Variants in PRKD1 observed in about 807,000 individuals in gnomAD.
PRKD1 encodes the protein serine/threonine-protein kinase D1.
PRKD1 carries 63 observed loss-of-function variants against 95.9 expected under a neutral mutation model. The ratio of observed to expected loss-of-function variants is 0.66; its 90% CI spans 0.54 to 0.81. The LOEUF is 0.81. PRKD1 is among the 30% of genes least tolerant of loss of function. The probability of loss-of-function intolerance (pLI) is 0.00; values close to 1 mark genes in which losing one functional copy is unlikely to be tolerated. For synonymous variants in PRKD1, 425 were observed against 423.1 expected, an observed-to-expected ratio of 1.00 and a Z score of -0.05; for missense variants, 1,048 against 1,165.3, an observed-to-expected ratio of 0.90 and a Z score of 1.47.
At chr14:29,843,638 G>A (rs911576514) in intron 1 of PRKD1, among the ~76,000 whole-genome samples, 4 of 152,158 alleles carry the variant, frequency 2.6e-5, no homozygotes, top group African/African-American at 9.7e-5. Context: ...CATTTATTGA[G>A]CATCTATACT....
chr14:29,853,750 T>C (rs1265386674), intron 1 of PRKD1, among the ~76,000 whole-genome samples: 1 of 152,234 alleles, frequency 6.6e-6, no homozygotes, highest in Non-Finnish European at 1.5e-5. Flanking sequence ...GCTCCCATAA[T>C]TCCCATGTGT....
chr14:29,897,640 A>T (rs1894179871), intron 1 of PRKD1, among the ~76,000 whole-genome samples: 1 of 152,276 alleles, frequency 6.6e-6, no homozygotes, highest in East Asian at 1.9e-4. Flanking sequence ...AAAGGATAAT[A>T]AAAGATAAAA....
At chr14:29,609,395 ATTC>A (rs1382024405) in intron 13 of PRKD1, among the ~76,000 whole-genome samples, 1 of 151,810 alleles carries the variant, frequency 6.6e-6, no homozygotes, top group African/African-American at 2.4e-5. Flanking sequence ...AGTCTTGTGC[ATTC>A]TATTAAGTAA....
At chr14:29,868,870 C>A (rs142174378) in intron 1 of PRKD1, among the ~76,000 whole-genome samples, 1 of 152,022 alleles carries the variant, frequency 6.6e-6, no homozygotes, top group African/African-American at 2.4e-5. Context: ...CCAATCGATA[C>A]GGACACAAGT....
At chr14:29,696,142 C>CA (rs1329525385) in intron 2 of PRKD1, among the ~76,000 whole-genome samples, 8 of 152,026 alleles carry the variant, frequency 5.3e-5, no homozygotes, top group Admixed American at 5.2e-4. Context: ...TCGGGATAGT[C>CA]TAGTAAGTTA....
intron 1 of PRKD1, among the ~76,000 whole-genome samples, chr14:29,910,425 G>T (rs1894665733): frequency 1.3e-5 from 2 of 151,996 alleles, no homozygotes; most frequent in Admixed American, 1.3e-4. Context: ...TCAACGCGAG[G>T]GTCCGTGGCT....
At chr14:29,839,523 G>T (rs966917463) in intron 1 of PRKD1, among the ~76,000 whole-genome samples, 5 of 152,138 alleles carry the variant, frequency 3.3e-5, no homozygotes, top group Non-Finnish European at 7.3e-5. Context: ...CCATTTGGGG[G>T]TCTGGAGGAC....
chr14:29,663,636 G>C (rs1882313306), intron 4 of PRKD1, 63 bp downstream of exon 4: 1 of 1,559,540 alleles, frequency 6.4e-7, no homozygotes, highest in African/African-American at 1.4e-5. Context: ...GATTGACATT[G>C]CTATCACATC....
At chr14:29,601,302 C>T (rs1310601026) in intron 13 of PRKD1, among the ~76,000 whole-genome samples, 1 of 152,132 alleles carries the variant, frequency 6.6e-6, no homozygotes, top group African/African-American at 2.4e-5. Flanking sequence ...TTAGAGAGTC[C>T]TTTTTCTACT....
At chr14:29,778,172 C>A (rs537276192) in intron 1 of PRKD1, among the ~76,000 whole-genome samples, 4 of 152,308 alleles carry the variant, frequency 2.6e-5, no homozygotes, top group South Asian at 2.1e-4. Flanking sequence ...TAAATGCCCA[C>A]AACAGAAAGC....
intron 2 of PRKD1, among the ~76,000 whole-genome samples, chr14:29,688,909 A>C (rs1884044303): frequency 1.4e-5 from 2 of 142,504 alleles, no homozygotes; most frequent in Admixed American, 1.5e-4. Context: ...AGACCACGCC[A>C]CTGCACTCCA....
intron 2 of PRKD1, among the ~76,000 whole-genome samples, chr14:29,666,697 A>G (rs45482195): frequency 0.024 from 3,645 of 152,194 alleles, 134 homozygotes; most frequent in African/African-American, 0.078. Context: ...GATATAAAAT[A>G]TGAGTGGCTT....
chr14:29,706,769 T>TA (rs1885112211), intron 2 of PRKD1, among the ~76,000 whole-genome samples: 1 of 152,120 alleles, frequency 6.6e-6, no homozygotes, highest in South Asian at 2.1e-4. Context: ...TCTTCTACTT[T>TA]AAAACCAGCA....
intron 1 of PRKD1, among the ~76,000 whole-genome samples, chr14:29,742,679 G>A (rs1887032232): frequency 6.6e-6 from 1 of 152,172 alleles, no homozygotes; most frequent in African/African-American, 2.4e-5. Flanking sequence ...CGTAAAAAAT[G>A]AGTATCAAGG....
At chr14:29,714,541 A>G (rs1885502018) in intron 2 of PRKD1, among the ~76,000 whole-genome samples, 1 of 152,184 alleles carries the variant, frequency 6.6e-6, no homozygotes. Flanking sequence ...ATTGTGGAAG[A>G]CAGTGTGGTG....
chr14:29,646,128 G>A (rs556536113), intron 4 of PRKD1, among the ~76,000 whole-genome samples: 12 of 152,224 alleles, frequency 7.9e-5, no homozygotes, highest in Admixed American at 7.2e-4. Context: ...TGGTGGAGGC[G>A]AGGGGTAATT....
intron 1 of PRKD1, among the ~76,000 whole-genome samples, chr14:29,851,631 G>C (rs550131106): frequency 6.6e-6 from 1 of 152,286 alleles, no homozygotes; most frequent in African/African-American, 2.4e-5. Context: ...CACACTGCTG[G>C]TAGGAAAGCA....
intron 14 of PRKD1, 75 bp downstream of exon 14, chr14:29,599,581 A>G (rs552826034): frequency 3.6e-6 from 5 of 1,408,422 alleles, no homozygotes; most frequent in Admixed American, 3.9e-5. Flanking sequence ...CAACAAGGCT[A>G]GAAAGCTGTA....
chr14:29,582,626 T>C (rs541133333), intron 16 of PRKD1, among the ~76,000 whole-genome samples: 4 of 152,084 alleles, frequency 2.6e-5, no homozygotes, highest in Non-Finnish European at 4.4e-5. Context: ...CTGCCATGTG[T>C]AATTTATCAA....
Sources: gnomAD v4.1 joint callset for allele counts (sites outside exome capture counted in the v4.1 genomes callset) on GRCh38, gnomAD v4.1.1 for gene constraint, MANE v1.5 for transcripts, NCBI Gene and HGNC (gene_info 2026-07-23, HGNC 2026-07-21) for gene names.